The following GFOD1 variants were observed in gnomAD, a reference collection of about 807,000 sequenced individuals.
The protein encoded by GFOD1 is glucose-fructose oxidoreductase domain-containing protein 1.
Under a neutral mutation model 25.4 loss-of-function variants are expected in GFOD1, and 9 were observed. The observed-to-expected ratio is 0.35, with a 90% CI of 0.21 to 0.62. The LOEUF is 0.62. GFOD1 is among the 20% of genes least tolerant of loss of function. The pLI, the probability that GFOD1 is intolerant of heterozygous loss-of-function variation, is 0.72. For synonymous variants in GFOD1, 253 were observed against 245.6 expected (o/e 1.03, Z -0.28); for missense variants, 403 against 556.9 (o/e 0.72, Z 2.78).
intron 1 of GFOD1, among the ~76,000 whole-genome samples, chr6:13,402,239 A>C (rs2127563683): frequency 6.6e-6 from 1 of 152,346 alleles, no homozygotes; most frequent in African/African-American, 2.4e-5. Context: ...AACTCTCCAA[A>C]GGAAACACAG....
At chr6:13,478,977 T>C (rs924624756) in intron 1 of GFOD1, among the ~76,000 whole-genome samples, 16 of 151,966 alleles carry the variant, frequency 1.1e-4, no homozygotes, top group African/African-American at 3.4e-4. Flanking sequence ...ATCAGTACCT[T>C]TGAGTGATCA....
intron 1 of GFOD1, among the ~76,000 whole-genome samples, chr6:13,401,223 C>T (rs1161336149): frequency 2.0e-5 from 3 of 152,138 alleles, no homozygotes; most frequent in East Asian, 1.9e-4. Context: ...TCTTAGAAAA[C>T]GGAGGAGACT....
At chr6:13,390,785 AAG>A (rs1562202760) in intron 1 of GFOD1, among the ~76,000 whole-genome samples, 30 of 117,650 alleles carry the variant, frequency 2.5e-4, no homozygotes, top group Admixed American at 6.5e-4. Flanking sequence ...GAGAGAAAGG[AAG>A]GAAGGAAGGA....
chr6:13,434,819 CAGA>C (rs1357074400), intron 1 of GFOD1, among the ~76,000 whole-genome samples: 1 of 152,188 alleles, frequency 6.6e-6, no homozygotes, highest in African/African-American at 2.4e-5. Context: ...CAGAACACAG[CAGA>C]AGAACCAAAA....
At chr6:13,405,197 C>T (rs1366356969) in intron 1 of GFOD1, among the ~76,000 whole-genome samples, 1 of 152,102 alleles carries the variant, frequency 6.6e-6, no homozygotes, top group East Asian at 1.9e-4. Flanking sequence ...TAAATATTTT[C>T]AATAACTTAA....
intron 1 of GFOD1, among the ~76,000 whole-genome samples, chr6:13,472,856 C>T (rs1758539017): frequency 6.6e-6 from 1 of 152,202 alleles, no homozygotes; most frequent in African/African-American, 2.4e-5. Flanking sequence ...AGTAACTTTG[C>T]AAGGCTCTGT....
At chr6:13,404,250 T>G (rs1396716802) in intron 1 of GFOD1, among the ~76,000 whole-genome samples, 1 of 152,196 alleles carries the variant, frequency 6.6e-6, no homozygotes, top group Non-Finnish European at 1.5e-5. Flanking sequence ...AGGCTCAGCC[T>G]TTTCTTGCAC....
At chr6:13,436,729 G>A (rs1216077456) in intron 1 of GFOD1, among the ~76,000 whole-genome samples, 2 of 152,196 alleles carry the variant, frequency 1.3e-5, no homozygotes, top group African/African-American at 2.4e-5. Context: ...CACCTTGACC[G>A]CTATTGCTGA....
chr6:13,376,551 CA>C (rs1785261103), intron 1 of GFOD1, among the ~76,000 whole-genome samples: 2 of 152,046 alleles, frequency 1.3e-5, no homozygotes, highest in African/African-American at 2.4e-5. Context: ...GAGGAAAAAG[CA>C]GAATGCCAAA....
intron 1 of GFOD1, among the ~76,000 whole-genome samples, chr6:13,394,466 A>ATTTTTTTTTTTTTT (rs70989855): frequency 1.3e-5 from 1 of 75,924 alleles, no homozygotes; most frequent in African/African-American, 5.5e-5. Flanking sequence ...TACCCTTTGA[A>ATTTTTTTTTTTTTT]TTTTTTTTTT....
chr6:13,467,894 A>G (rs1014954078), intron 1 of GFOD1, among the ~76,000 whole-genome samples: 1 of 152,202 alleles, frequency 6.6e-6, no homozygotes, highest in Non-Finnish European at 1.5e-5. Context: ...TTCCTAGAAG[A>G]CTGCCTTTTT....
Position 13,430,469 on chromosome 6 carries a change from A to T in GFOD1, c.253+56169T>A, listed in dbSNP as rs1757728490. Among the ~76,000 whole-genome samples, 1 of 152,134 alleles carries T rather than the reference A, an allele frequency of 6.6e-6. No homozygotes were observed. The highest frequency in any genetic ancestry group is 2.4e-5 in the African/African-American group (1 of 41,428). Reference sequence around the variant, plus strand: ...ATAAATAAGTAAATAAATAAAAATTAAAAAATAAAATCCAGCCATTGCACT... The same window carrying T: ...ATAAATAAGTAAATAAATAAAAATTTAAAAATAAAATCCAGCCATTGCACT... On this transcript the variant is annotated intron_variant, in intron 1 of 1. Transcript: ENST00000379287. This position sits in a 1 kb window ranked among gnomAD's most constrained non-coding sequence, Gnocchi z 4.1.
chr6:13,445,307 TA>T (rs1369532743), intron 1 of GFOD1, among the ~76,000 whole-genome samples: 7 of 152,216 alleles, frequency 4.6e-5, no homozygotes, highest in Non-Finnish European at 1.0e-4. Flanking sequence ...ATTTGATTAC[TA>T]AGGAAATAAT....
intron 1 of GFOD1, among the ~76,000 whole-genome samples, chr6:13,476,314 G>A (rs1164313832): frequency 2.6e-5 from 4 of 152,124 alleles, no homozygotes; most frequent in African/African-American, 7.2e-5. Context: ...CATCAAAAAC[G>A]TTATGCTAAG....
rs1464458529 is a variant in GFOD1 at position 13,434,328 on chromosome 6, A to G, written c.253+52310T>C. ...ACACAGAAATCAAGTGCAGGGCATT[A>G]TGGGAATATAGAGGTCAAGTTCAGG... On this transcript the variant is annotated intron_variant, in intron 1 of 1. Coordinates refer to ENST00000379287, the MANE Select transcript of GFOD1 (RefSeq NM_018988.4). Among the ~76,000 whole-genome samples, 11 of 149,350 alleles carry G rather than the reference A, an allele frequency of 7.4e-5. No individual in the cohort carries two copies. In the Admixed American group the frequency reaches 7.4e-4, roughly 10 times the overall value.
chr6:13,399,235 A>T (rs770030479), intron 1 of GFOD1, among the ~76,000 whole-genome samples: 2 of 151,844 alleles, frequency 1.3e-5, no homozygotes, highest in Non-Finnish European at 2.9e-5. Flanking sequence ...CTGGTCTCGA[A>T]CTCCTGGACT....
chr6:13,439,675 T>C (rs576714546), intron 1 of GFOD1, among the ~76,000 whole-genome samples: 1 of 152,344 alleles, frequency 6.6e-6, no homozygotes, highest in South Asian at 2.1e-4. Context: ...ATTATCTCTT[T>C]TAATCTTCAT....
In GFOD1 at chr6:13,406,782, C is replaced by CTTTG. The variant is rs534099663; in HGVS notation, c.254-41124_254-41121dup. Among the ~76,000 whole-genome samples the CTTTG allele has an allele frequency of 4.0e-3, 604 of 152,270 alleles. 3 individuals carry two copies. Among genetic ancestry groups the CTTTG allele is most frequent in the African/African-American group, 0.014 (580 of 41,534 alleles). ...TGACAGTAGGTGATTGGGAGGCCTT[C>CTTTG]TTTGACAGTCCTGTTCTGGTTGGCT... On this transcript the variant is annotated intron_variant, in intron 1 of 1. Transcript: ENST00000379287.
chr6:13,456,132 G>T (rs1758184223), intron 1 of GFOD1, among the ~76,000 whole-genome samples: 1 of 152,134 alleles, frequency 6.6e-6, no homozygotes, highest in Non-Finnish European at 1.5e-5. Context: ...GGGAAATGAG[G>T]CTTCTAAGAG....
Sources: gnomAD v4.1 joint callset for allele counts (sites outside exome capture counted in the v4.1 genomes callset) on GRCh38, gnomAD v4.1.1 for gene constraint, Gnocchi (gnomAD v3.1) non-coding constraint, MANE v1.5 for transcripts, NCBI Gene and HGNC (gene_info 2026-07-23, HGNC 2026-07-21) for gene names.